Variants in SNPH observed in about 807,000 individuals in gnomAD.
The protein encoded by SNPH is syntaphilin.
In SNPH, 10 loss-of-function variants were observed where a neutral mutation model predicts 36.8. The observed-to-expected ratio is 0.27, with a 90% CI of 0.17 to 0.46. The LOEUF (loss-of-function observed/expected upper bound fraction) is 0.46, where lower values mean the gene tolerates loss of function less well. Among genes scored for constraint, SNPH ranks in the 20% least tolerant of loss-of-function variants. The pLI, the probability that SNPH is intolerant of heterozygous loss-of-function variation, is 1.00. For synonymous variants in SNPH, 281 were observed against 312.2 expected (o/e 0.90, Z 1.05); for missense variants, 622 against 744.0 (o/e 0.84, Z 1.91).
chr20:1,287,301 CATGTCATTT>C (rs1253502682), intron 2 of SNPH, among the ~76,000 whole-genome samples: 1 of 152,170 alleles, frequency 6.6e-6, no homozygotes, highest in Non-Finnish European at 1.5e-5. Context: ...TATTTTATTG[CATGTCATTT>C]ATGAGCTGCC....
At chr20:1,286,657 A>G (rs561277570) in intron 2 of SNPH, among the ~76,000 whole-genome samples, 4 of 152,286 alleles carry the variant, frequency 2.6e-5, no homozygotes, top group Non-Finnish European at 5.9e-5. Flanking sequence ...TCACTTTTCT[A>G]TCTAGAAAAT....
At chr20:1,274,121 T>G (rs778665560) in intron 2 of SNPH, among the ~76,000 whole-genome samples, 1 of 152,142 alleles carries the variant, frequency 6.6e-6, no homozygotes, top group Non-Finnish European at 1.5e-5. Flanking sequence ...AAGAAGAAAC[T>G]GGCCCAAAGT....
intron 2 of SNPH, among the ~76,000 whole-genome samples, chr20:1,284,375 G>A (rs1177488483): frequency 6.6e-6 from 1 of 152,218 alleles, no homozygotes; most frequent in East Asian, 1.9e-4. Flanking sequence ...TTGAGGGCCT[G>A]TGGTGGCCTG....
chr20:1,270,367 G>A (rs186929724), intron 2 of SNPH, among the ~76,000 whole-genome samples: 2 of 152,096 alleles, frequency 1.3e-5, no homozygotes, highest in Admixed American at 6.6e-5. Flanking sequence ...GTGATGGGGT[G>A]GGGGGACAGA....
intron 3 of SNPH, among the ~76,000 whole-genome samples, chr20:1,295,561 A>G (rs6074395): frequency 0.99 from 151,255 of 152,362 alleles, 75,089 homozygotes; most frequent in East Asian, 1. Context: ...CATGCGCATT[A>G]CATGGGTGGG....
intron 2 of SNPH, among the ~76,000 whole-genome samples, chr20:1,267,821 C>T (rs1216762165): frequency 6.6e-6 from 1 of 152,190 alleles, no homozygotes; most frequent in Non-Finnish European, 1.5e-5. Context: ...CCAGACAGTC[C>T]TATGTTGACA....
At position 1,295,575 on chromosome 20, in the gene SNPH, G is replaced by A. The variant is rs549007019; in HGVS notation, c.-464-201G>A. Among the ~76,000 whole-genome samples the A allele has an allele frequency of 3.3e-4, 51 of 152,368 alleles. No homozygotes were observed. In the South Asian group the frequency reaches 8.1e-3, roughly 24 times the overall value. On this transcript the variant is annotated intron_variant, in intron 3 of 6. Coordinates refer to ENST00000381867, the MANE Select transcript of SNPH (RefSeq NM_001318234.2). ...GCATGCGCATTACATGGGTGGGTGC[G>A]GACATGCCTGTGTGCCGCATGGGTG...
At chr20:1,267,277 C>A (rs779171696) in intron 2 of SNPH, among the ~76,000 whole-genome samples, 64 of 152,150 alleles carry the variant, frequency 4.2e-4, no homozygotes, top group Non-Finnish European at 8.4e-4. Context: ...GCCTCCGTCT[C>A]CCCGGAGCTT....
chr20:1,277,941 C>CTG (rs1179449601), intron 2 of SNPH, among the ~76,000 whole-genome samples: 1 of 127,386 alleles, frequency 7.9e-6, no homozygotes, highest in Non-Finnish European at 1.6e-5. Flanking sequence ...GCGTGTGTGC[C>CTG]TGTGTGTGTC....
intron 2 of SNPH, among the ~76,000 whole-genome samples, chr20:1,269,701 C>T (rs904103687): frequency 2.0e-5 from 3 of 152,112 alleles, no homozygotes; most frequent in African/African-American, 4.8e-5. Context: ...TTCCTTTCAC[C>T]GTGAGCCCTG....
At chr20:1,280,227 C>T (rs1465480350) in intron 2 of SNPH, among the ~76,000 whole-genome samples, 1 of 152,168 alleles carries the variant, frequency 6.6e-6, no homozygotes, top group Non-Finnish European at 1.5e-5. Context: ...TGTGCATGCA[C>T]ATATACATGT....
rs754631738 is a variant in SNPH, at chr20:1,305,312, C to T, written c.875C>T (p.Ala292Val). ...EDGADSGFAA[A>V]DDTLSRTDAL... Reference sequence around the variant, plus strand: ...GGGGCAGACAGTGGCTTTGCAGCAGCCGATGACACACTGAGCCGGACGGAC... The same window carrying T: ...GGGGCAGACAGTGGCTTTGCAGCAGTCGATGACACACTGAGCCGGACGGAC... The change falls in exon 7 of 7, where the codon GCC (alanine) becomes GTC (valine). Residue 292 changes from alanine to valine, a missense_variant. Physicochemically the swap from Ala to Val is moderately conservative, Grantham distance 64. Coordinates refer to ENST00000381867, the MANE Select transcript of SNPH (RefSeq NM_001318234.2). 6.2e-7 allele frequency: 1 copy of T among 1,610,420 alleles called. No individual in the cohort carries two copies. Among genetic ancestry groups the T allele is most frequent in the Non-Finnish European group, 8.5e-7 (1 of 1,179,544 alleles).
chr20:1,267,631 A>C (rs2088024557), intron 2 of SNPH, among the ~76,000 whole-genome samples: 1 of 152,230 alleles, frequency 6.6e-6, no homozygotes, highest in Non-Finnish European at 1.5e-5. Flanking sequence ...GAATTGGATT[A>C]AATGATGTGT....
chr20:1,277,624 CTG>C (rs59375718), intron 2 of SNPH, among the ~76,000 whole-genome samples: 8,485 of 123,364 alleles, frequency 0.069, 340 homozygotes, highest in South Asian at 0.1. Context: ...GTATGTGTGC[CTG>C]TGTGTGTGTG....
chr20:1,291,012 G>A (rs1041081853), intron 2 of SNPH, among the ~76,000 whole-genome samples: 2 of 152,260 alleles, frequency 1.3e-5, no homozygotes, highest in African/African-American at 4.8e-5. Flanking sequence ...TACGAGAGGA[G>A]CCTCTTCAGG....
chr20:1,278,084 CTGTG>C (rs1209002781), intron 2 of SNPH, among the ~76,000 whole-genome samples: 1 of 108,724 alleles, frequency 9.2e-6, no homozygotes, highest in Non-Finnish European at 1.9e-5. Context: ...GTGTGTGTCT[CTGTG>C]TGTGCCTATG....
At chr20:1,289,070 T>C (rs770521373) in intron 2 of SNPH, among the ~76,000 whole-genome samples, 2 of 151,980 alleles carry the variant, frequency 1.3e-5, no homozygotes, top group Admixed American at 6.6e-5. Flanking sequence ...GAAAAGTAGG[T>C]TTTTTCTTTT....
Position 1,296,153 on chromosome 20 carries a change from G to A in SNPH, c.-87G>A. The A allele has an allele frequency of 3.4e-6, 4 of 1,178,374 alleles. No homozygotes were observed. Among genetic ancestry groups the A allele is most frequent in the African/African-American group, 3.2e-5 (2 of 63,186 alleles). The allele number at this position is 1,178,374 out of a possible 1,614,324, so 73.0% of individuals were successfully genotyped here. Reference sequence around the variant, plus strand: ...TTGGGTGGTGGGAACCTGTGCACCAGCCCTATTCAATTCACTGGTGGAGGC... The same window carrying A: ...TTGGGTGGTGGGAACCTGTGCACCAACCCTATTCAATTCACTGGTGGAGGC... On this transcript the variant is annotated 5_prime_UTR_variant, in exon 4 of 7. Coordinates refer to ENST00000381867, the MANE Select transcript of SNPH (RefSeq NM_001318234.2).
intron 5 of SNPH, among the ~76,000 whole-genome samples, chr20:1,299,231 T>G (rs2088476531): frequency 6.6e-6 from 1 of 152,198 alleles, no homozygotes; most frequent in Non-Finnish European, 1.5e-5. Context: ...CTTTTAAAAT[T>G]GCCTCCAGCT....
Sources: gnomAD v4.1 joint callset for allele counts (sites outside exome capture counted in the v4.1 genomes callset) on GRCh38, gnomAD v4.1.1 for gene constraint, MANE v1.5 for transcripts, NCBI Gene and HGNC (gene_info 2026-07-23, HGNC 2026-07-21) for gene names.